The following FAM110B variants were observed in gnomAD, a reference collection of about 807,000 sequenced individuals.
FAM110B encodes protein FAM110B.
FAM110B carries 6 observed loss-of-function variants against 20.4 expected under a neutral mutation model. That is an observed-to-expected ratio of 0.29 (90% CI 0.16 to 0.58). FAM110B has a LOEUF of 0.58. FAM110B is among the 20% of genes least tolerant of loss of function. The pLI, the probability that FAM110B is intolerant of heterozygous loss-of-function variation, is 0.90. For missense variants in FAM110B, 434 were observed against 498.2 expected, an observed-to-expected ratio of 0.87 and a Z score of 1.23; for synonymous variants, 226 against 214.1, an observed-to-expected ratio of 1.06 and a Z score of -0.49.
intron 1 of FAM110B, among the ~76,000 whole-genome samples, chr8:58,031,170 C>T (rs377175022): frequency 4.6e-5 from 7 of 152,136 alleles, no homozygotes; most frequent in African/African-American, 1.7e-4. Flanking sequence ...ATATCTTCTC[C>T]CTTTGCAAAT....
intron 1 of FAM110B, among the ~76,000 whole-genome samples, chr8:58,018,443 G>GTA (rs1407014130): frequency 1.3e-5 from 2 of 151,938 alleles, no homozygotes; most frequent in African/African-American, 2.4e-5. Flanking sequence ...AGTTTGCATG[G>GTA]TATATATATG....
intron 3 of FAM110B, among the ~76,000 whole-genome samples, chr8:58,094,611 G>A (rs1420073448): frequency 6.6e-6 from 1 of 152,184 alleles, no homozygotes; most frequent in African/African-American, 2.4e-5. Context: ...ACCTGATCGT[G>A]ATGGATAAGC....
intron 1 of FAM110B, among the ~76,000 whole-genome samples, chr8:57,996,238 T>C (rs892161419): frequency 3.3e-5 from 5 of 152,250 alleles, no homozygotes; most frequent in African/African-American, 1.2e-4. Flanking sequence ...AAGTCACTAA[T>C]TGAACAGAGA....
intron 3 of FAM110B, among the ~76,000 whole-genome samples, chr8:58,145,125 A>G (rs1376578593): frequency 1.3e-5 from 2 of 152,196 alleles, no homozygotes; most frequent in African/African-American, 4.8e-5. Context: ...ATGAAAAATT[A>G]TGGATAACTT....
intron 1 of FAM110B, among the ~76,000 whole-genome samples, chr8:58,000,145 A>G (rs1804263974): frequency 6.6e-6 from 1 of 152,238 alleles, no homozygotes; most frequent in South Asian, 2.1e-4. Context: ...GCCCATGCAA[A>G]GGCCCTGTGA....
At chr8:58,102,908 A>G (rs1259854150) in intron 3 of FAM110B, among the ~76,000 whole-genome samples, 1 of 152,032 alleles carries the variant, frequency 6.6e-6, no homozygotes, top group Non-Finnish European at 1.5e-5. Context: ...AAAGCCATGA[A>G]ACAGGTTCAA....
intron 3 of FAM110B, among the ~76,000 whole-genome samples, chr8:58,081,438 C>G (rs762819695): frequency 6.6e-6 from 1 of 152,172 alleles, no homozygotes; most frequent in African/African-American, 2.4e-5. Context: ...AACTCCTGAC[C>G]TCAAGTGATC....
intron 1 of FAM110B, among the ~76,000 whole-genome samples, chr8:58,019,336 C>CAAAAAAA: frequency 1.3e-5 from 1 of 78,370 alleles, no homozygotes; most frequent in Non-Finnish European, 2.2e-5. Context: ...GACTCTGTCT[C>CAAAAAAA]AAAAAAAAAA....
intron 3 of FAM110B, among the ~76,000 whole-genome samples, chr8:58,128,085 C>T (rs1807557395): frequency 6.6e-6 from 1 of 152,186 alleles, no homozygotes; most frequent in Non-Finnish European, 1.5e-5. Flanking sequence ...ATATAGTTCA[C>T]ACCTTCTGTA....
intron 3 of FAM110B, among the ~76,000 whole-genome samples, chr8:58,123,430 CTTAT>C (rs535720768): frequency 1.8e-3 from 275 of 152,256 alleles, no homozygotes; most frequent in African/African-American, 6.4e-3. Flanking sequence ...TTGTGTCTCT[CTTAT>C]TCTTTCTGCT....
At chr8:58,137,945 T>C (rs1232948416) in intron 3 of FAM110B, among the ~76,000 whole-genome samples, 1 of 152,146 alleles carries the variant, frequency 6.6e-6, no homozygotes, top group Non-Finnish European at 1.5e-5. Flanking sequence ...TGGTTTCTCT[T>C]CTCCCAGCTC....
At chr8:58,016,698 T>C (rs1160051686) in intron 1 of FAM110B, among the ~76,000 whole-genome samples, 2 of 152,072 alleles carry the variant, frequency 1.3e-5, no homozygotes, top group Admixed American at 1.3e-4. Context: ...CTCCAGTCTG[T>C]GTTTGTCATG....
chr8:58,062,311 G>T (rs1346235143), intron 2 of FAM110B, among the ~76,000 whole-genome samples: 2 of 152,122 alleles, frequency 1.3e-5, no homozygotes, highest in Non-Finnish European at 2.9e-5. Context: ...GAAATTGGGG[G>T]TGATCGTTTT....
chr8:58,099,442 A>G (rs1005726726), intron 3 of FAM110B, among the ~76,000 whole-genome samples: 2 of 152,246 alleles, frequency 1.3e-5, no homozygotes, highest in Admixed American at 6.5e-5. Context: ...TTTAAACTGT[A>G]TTAAACTGTA....
chr8:58,061,723 T>A (rs1805661505), intron 2 of FAM110B, among the ~76,000 whole-genome samples: 1 of 152,222 alleles, frequency 6.6e-6, no homozygotes, highest in Non-Finnish European at 1.5e-5. Flanking sequence ...AATATAGCAG[T>A]GAAACTTATC....
chr8:58,012,099 G>A (rs915740088), intron 1 of FAM110B, among the ~76,000 whole-genome samples: 2 of 152,186 alleles, frequency 1.3e-5, no homozygotes, highest in East Asian at 1.9e-4. Context: ...TACAAGGCAA[G>A]TAATTTGATT....
chr8:58,091,075 G>A (rs1252129117), intron 3 of FAM110B, among the ~76,000 whole-genome samples: 7 of 152,140 alleles, frequency 4.6e-5, no homozygotes, highest in South Asian at 2.1e-4. Context: ...CTAACCAAGG[G>A]CCCTTCTACT....
At chr8:58,120,964 C>T (rs1807344772) in intron 3 of FAM110B, among the ~76,000 whole-genome samples, 1 of 152,212 alleles carries the variant, frequency 6.6e-6, no homozygotes, top group Non-Finnish European at 1.5e-5. Context: ...CCTTCAGTTA[C>T]ACCCTTTGTT....
At chr8:58,067,099 A>G (rs1355242102) in intron 2 of FAM110B, among the ~76,000 whole-genome samples, 2 of 152,178 alleles carry the variant, frequency 1.3e-5, no homozygotes, top group Admixed American at 1.3e-4. Flanking sequence ...ATCATTTTTT[A>G]TGCGTGAACC....
Sources: gnomAD v4.1 joint callset for allele counts (sites outside exome capture counted in the v4.1 genomes callset) on GRCh38, gnomAD v4.1.1 for gene constraint, MANE v1.5 for transcripts, NCBI Gene and HGNC (gene_info 2026-07-23, HGNC 2026-07-21) for gene names.